The following PTPRK variants were observed in gnomAD, a reference collection of about 807,000 sequenced individuals.
The protein encoded by PTPRK is protein tyrosine phosphatase receptor type K, also known as receptor-type tyrosine-protein phosphatase kappa.
In PTPRK, 75 loss-of-function variants were observed where a neutral mutation model predicts 178.0. The observed-to-expected ratio is 0.42, with a 90% CI of 0.35 to 0.51. The LOEUF is 0.51. Ranked by LOEUF, PTPRK falls within the 20% of genes least tolerant of loss-of-function variation. The probability of loss-of-function intolerance (pLI) is 0.02; values close to 1 mark genes in which losing one functional copy is unlikely to be tolerated. For synonymous variants in PTPRK, 637 were observed against 620.6 expected, an observed-to-expected ratio of 1.03 and a Z score of -0.39; for missense variants, 1,441 against 1,797.8, an observed-to-expected ratio of 0.80 and a Z score of 3.59.
chr6:128,277,376 A>G lies in PTPRK; in HGVS notation c.496-34774T>C, dbSNP rs141339089. On this transcript the variant is annotated intron_variant, in intron 3 of 29. Transcript: ENST00000368226. The stretch of plus-strand genomic sequence containing the variant: ...TGCTGTTAGATTGAGATAAAATACG[A>G]AACTGTCATAAGAAAATGATTGTCT... 2.2e-4 allele frequency among the ~76,000 whole-genome samples: 33 copies of G among 152,338 alleles called. 1 individual carries two copies. In the East Asian group the frequency reaches 6.4e-3, roughly 29 times the overall value.
rs533841058 is a variant in PTPRK at position 128,311,554 on chromosome 6, T to C, written c.495+10485A>G. On this transcript the variant is annotated intron_variant, in intron 3 of 29. Transcript: ENST00000368226. ...AGTATGGCTGGCCCCTTACACAGTA[T>C]GATCGTTCTCATTTCTGACCACCTG... is the stretch of plus-strand genomic sequence containing the variant. Among the ~76,000 whole-genome samples, 15 of 152,294 alleles carry C rather than the reference T, an allele frequency of 9.8e-5. No homozygotes were observed. The South Asian group carries it at 3.1e-3, about 32-fold the overall frequency.
intron 25 of PTPRK, among the ~76,000 whole-genome samples, chr6:127,977,398 G>A (rs1348902772): frequency 2.0e-5 from 3 of 152,138 alleles, no homozygotes; most frequent in African/African-American, 7.2e-5. Context: ...GGTTCCTGTT[G>A]GGCTATTTCA....
intron 1 of PTPRK, among the ~76,000 whole-genome samples, chr6:128,467,190 C>T (rs1008222602): frequency 4.6e-5 from 7 of 151,998 alleles, no homozygotes; most frequent in African/African-American, 7.2e-5. Flanking sequence ...TTTGTATAGA[C>T]GGGGTTTTGC....
At chr6:128,256,103 T>C (rs1817260614) in intron 3 of PTPRK, among the ~76,000 whole-genome samples, 1 of 152,198 alleles carries the variant, frequency 6.6e-6, no homozygotes, top group African/African-American at 2.4e-5. Context: ...AAATACCTAA[T>C]TTTTGGTCCC....
intron 1 of PTPRK, among the ~76,000 whole-genome samples, chr6:128,464,651 A>ATATATG (rs1554271912): frequency 3.1e-5 from 3 of 98,220 alleles, no homozygotes; most frequent in Non-Finnish European, 6.0e-5. Flanking sequence ...ATATATATAT[A>ATATATG]TATATATATA....
intron 7 of PTPRK, among the ~76,000 whole-genome samples, chr6:128,180,544 A>C (rs1173382221): frequency 1.3e-5 from 2 of 152,068 alleles, no homozygotes; most frequent in Non-Finnish European, 2.9e-5. Flanking sequence ...TAAGTCAGAG[A>C]CCCTGAAGCA....
chr6:127,975,895 C>T (rs1310193110), intron 27 of PTPRK, among the ~76,000 whole-genome samples: 1 of 152,116 alleles, frequency 6.6e-6, no homozygotes, highest in East Asian at 1.9e-4. Context: ...TGGTCTTGAA[C>T]TCCTGACCTT....
chr6:128,304,503 G>A (rs938618564), intron 3 of PTPRK, among the ~76,000 whole-genome samples: 16 of 152,304 alleles, frequency 1.1e-4, no homozygotes, highest in African/African-American at 3.8e-4. Context: ...GAAAGTAGTT[G>A]AATGGAAAGG....
At chr6:128,012,777 T>C (rs1461372175) in intron 13 of PTPRK, among the ~76,000 whole-genome samples, 1 of 151,486 alleles carries the variant, frequency 6.6e-6, no homozygotes, top group African/African-American at 2.4e-5. Flanking sequence ...TAGCTGTGAT[T>C]AGGCAAACTA....
At chr6:128,249,410 C>A (rs1191296887) in intron 3 of PTPRK, among the ~76,000 whole-genome samples, 2 of 150,926 alleles carry the variant, frequency 1.3e-5, no homozygotes, top group Non-Finnish European at 1.5e-5. Context: ...AAAGTTATCA[C>A]AATGAAATCA....
At chr6:128,079,715 C>T (rs972034516) in intron 10 of PTPRK, among the ~76,000 whole-genome samples, 5 of 151,816 alleles carry the variant, frequency 3.3e-5, no homozygotes, top group African/African-American at 1.2e-4. Flanking sequence ...ATGAGAAATG[C>T]TATGAATATA....
At chr6:128,498,318 G>A (rs994452247) in intron 1 of PTPRK, among the ~76,000 whole-genome samples, 4 of 152,120 alleles carry the variant, frequency 2.6e-5, no homozygotes, top group Non-Finnish European at 5.9e-5. Context: ...ATCTACATTT[G>A]GAATATTTAT....
At chr6:128,166,196 C>A (rs963471716) in intron 7 of PTPRK, among the ~76,000 whole-genome samples, 7 of 151,648 alleles carry the variant, frequency 4.6e-5, no homozygotes, top group African/African-American at 1.7e-4. Flanking sequence ...TACGGACATT[C>A]CCCTAGATAG....
chr6:128,118,297 C>A (rs961041513), intron 7 of PTPRK, among the ~76,000 whole-genome samples: 1 of 152,132 alleles, frequency 6.6e-6, no homozygotes, highest in Admixed American at 6.5e-5. Flanking sequence ...TGCACAAATA[C>A]CCTGGCACCT....
chr6:128,021,830 A>G (rs1008947058), intron 13 of PTPRK, among the ~76,000 whole-genome samples: 2 of 152,240 alleles, frequency 1.3e-5, no homozygotes, highest in South Asian at 4.1e-4. Context: ...ACCAATGTAT[A>G]GAGTTGGGGA....
At position 128,302,632 on chromosome 6, in the gene PTPRK, G is replaced by T. The variant is rs188033578; in HGVS notation, c.495+19407C>A. Reference sequence around the variant, plus strand: ...AACATTCTCTTCCTTTAAATTTCCTGTTACTCAATATTGTGGTTTGTACTT... The same window carrying T: ...AACATTCTCTTCCTTTAAATTTCCTTTTACTCAATATTGTGGTTTGTACTT... On this transcript the variant is annotated intron_variant, in intron 3 of 29. Transcript: ENST00000368226. 2.0e-5 allele frequency among the ~76,000 whole-genome samples: 3 copies of T among 150,428 alleles called. No homozygotes were observed. The East Asian group carries it at 5.8e-4, about 29-fold the overall frequency.
intron 13 of PTPRK, among the ~76,000 whole-genome samples, chr6:128,030,505 T>C (rs550155434): frequency 6.6e-5 from 10 of 152,206 alleles, no homozygotes; most frequent in Non-Finnish European, 1.5e-4. Context: ...AAAACCTGAC[T>C]CTTCCCTTAG....
chr6:128,409,367 T>C (rs1257776186), intron 1 of PTPRK: 2 of 452,830 alleles, frequency 4.4e-6, no homozygotes, highest in Non-Finnish European at 8.9e-6. Flanking sequence ...ATAGATTAGG[T>C]ATAATAGAGG....
intron 2 of PTPRK, among the ~76,000 whole-genome samples, chr6:128,334,748 G>A (rs1451100518): frequency 6.6e-6 from 1 of 152,068 alleles, no homozygotes; most frequent in African/African-American, 2.4e-5. Flanking sequence ...CAAAAGGAAG[G>A]AAAAATATAA....
Sources: allele counts gnomAD v4.1 joint callset (sites outside exome capture counted in the v4.1 genomes callset), GRCh38; gene constraint gnomAD v4.1.1; transcripts MANE v1.5; gene names NCBI Gene and HGNC (gene_info 2026-07-23, HGNC 2026-07-21).